Variants in TXLNB observed in about 807,000 individuals in gnomAD.
TXLNB encodes the protein beta-taxilin.
In TXLNB, 37 loss-of-function variants were observed where a neutral mutation model predicts 57.4. The observed-to-expected ratio is 0.64, with a 90% CI of 0.50 to 0.85. The LOEUF is 0.85. Among genes scored for constraint, TXLNB ranks in the 40% least tolerant of loss-of-function variants. TXLNB has a pLI of 0.00. For missense variants in TXLNB, 848 were observed against 825.6 expected, an observed-to-expected ratio of 1.03 and a Z score of -0.33; for synonymous variants, 302 against 309.6, an observed-to-expected ratio of 0.98 and a Z score of 0.26.
the TXLNB span, among the ~76,000 whole-genome samples, chr6:139,175,196 G>A: frequency 1.3e-5 from 2 of 152,164 alleles, no homozygotes; most frequent in African/African-American, 4.8e-5. Context: ...TAGAATCACA[G>A]GAGACAAAAT....
At chr6:139,196,463 G>A in the TXLNB span, among the ~76,000 whole-genome samples, 29 of 136,124 alleles carry the variant, frequency 2.1e-4, no homozygotes, top group African/African-American at 6.9e-4. Flanking sequence ...CAACCTCTGC[G>A]TCCCAGGTTC....
chr6:139,323,745 CATA>C, the TXLNB span, among the ~76,000 whole-genome samples: 2 of 152,218 alleles, frequency 1.3e-5, no homozygotes, highest in East Asian at 3.8e-4. Flanking sequence ...GCTGCTTACT[CATA>C]ATTTCTGTTT....
the TXLNB span, among the ~76,000 whole-genome samples, chr6:139,311,191 C>T: frequency 6.6e-6 from 1 of 152,198 alleles, no homozygotes; most frequent in Non-Finnish European, 1.5e-5. Context: ...TGTGTCACTG[C>T]AAATGCTGGT....
At chr6:139,316,344 T>C in the TXLNB span, among the ~76,000 whole-genome samples, 3 of 151,726 alleles carry the variant, frequency 2.0e-5, no homozygotes, top group African/African-American at 7.3e-5. Context: ...TCAGGTTTCT[T>C]ATCCCTCCCC....
the TXLNB span, chr6:139,166,860 C>T: frequency 6.2e-7 from 1 of 1,613,966 alleles, no homozygotes; most frequent in Middle Eastern, 1.6e-4. Context: ...CTCTCTCCTG[C>T]CCACTTCAGC....
At chr6:139,172,143 A>C in the TXLNB span, among the ~76,000 whole-genome samples, 1 of 151,910 alleles carries the variant, frequency 6.6e-6, no homozygotes, top group East Asian at 1.9e-4. Context: ...AAACTTTTTT[A>C]AGAGATGGGG....
At chr6:139,321,276 A>T in the TXLNB span, among the ~76,000 whole-genome samples, 1 of 152,114 alleles carries the variant, frequency 6.6e-6, no homozygotes, top group East Asian at 1.9e-4. Flanking sequence ...TGGGTCATGA[A>T]GGTAGAGCCT....
the TXLNB span, among the ~76,000 whole-genome samples, chr6:139,316,062 A>G: frequency 6.6e-6 from 1 of 152,230 alleles, no homozygotes; most frequent in Non-Finnish European, 1.5e-5. Context: ...AGGGAGAAAA[A>G]ATATTTGGTA....
intron 4 of TXLNB, 77 bp downstream of exon 4, chr6:139,270,378 AC>A: frequency 7.3e-7 from 1 of 1,376,046 alleles, no homozygotes; most frequent in Non-Finnish European, 9.9e-7. Context: ...TAAAATTCAC[AC>A]TCTTTCCATG....
chr6:139,232,785 A>G, the TXLNB span, among the ~76,000 whole-genome samples: 1 of 152,192 alleles, frequency 6.6e-6, no homozygotes, highest in South Asian at 2.1e-4. Context: ...CTTTCCTGTC[A>G]CTTCATAAAC....
At chr6:139,188,665 G>A in the TXLNB span, among the ~76,000 whole-genome samples, 1 of 152,184 alleles carries the variant, frequency 6.6e-6, no homozygotes, top group African/African-American at 2.4e-5. Context: ...ATTTATTAAT[G>A]CATATGTAGC....
In TXLNB at chr6:139,242,452, C is replaced by A; in HGVS notation, c.*74G>T. 7.6e-7 allele frequency: 1 copy of A among 1,316,178 alleles called. No individual in the cohort carries two copies. Among genetic ancestry groups the A allele is most frequent in the South Asian group, 2.1e-5 (1 of 48,418 alleles). 81.5% of individuals were successfully genotyped at this position (1,316,178 alleles called of 1,614,324 possible). On this transcript the variant is annotated 3_prime_UTR_variant, in exon 10 of 10. Coordinates refer to ENST00000358430, the MANE Select transcript of TXLNB (RefSeq NM_153235.4). ...CATTTGACATCTCTAGCCCTTAATG[C>A]CTTTTTCGGAAGACAAGCTGTTATG...
In TXLNB at chr6:139,257,477, G is replaced by T. The variant is rs75784813; in HGVS notation, c.1003-1839C>A. Among the ~76,000 whole-genome samples, 922 of 152,258 alleles carry T rather than the reference G, an allele frequency of 6.1e-3. 8 individuals carry two copies. The highest frequency in any genetic ancestry group is 0.021 in the African/African-American group (886 of 41,526). ...GTGCAATTGGAAAGAAAAGGTTTGT[G>T]CAAAGAGCTGATTCTTGGTAAGCTC... On this transcript the variant is annotated intron_variant, in intron 6 of 9. Transcript: ENST00000358430.
Position 139,242,624 on chromosome 6 carries a change from G to C in TXLNB, c.1957C>G (p.Gln653Glu), listed in dbSNP as rs771145304. The C allele has an allele frequency of 1.9e-6, 3 of 1,600,902 alleles. No individual in the cohort carries two copies. In the South Asian group the frequency reaches 3.3e-5, roughly 18 times the overall value. Residue 653 changes from glutamine (Q) to glutamate (E), a missense_variant, in exon 10 of 10, where the codon CAG becomes GAG. Coordinates refer to ENST00000358430, the MANE Select transcript of TXLNB (RefSeq NM_153235.4). Reference protein sequence around the residue: ...AMVPACEPSRQPPRAAAEELP... With the variant: ...AMVPACEPSREPPRAAAEELP... ...TCCTCTGCTGCTGCTCGTGGGGGCTGCCTACTGGGCTCGCATGCAGGCACC... is the reference window on the plus strand; with the variant it reads ...TCCTCTGCTGCTGCTCGTGGGGGCTCCCTACTGGGCTCGCATGCAGGCACC...
chr6:139,239,345 G>A (rs1255284761), downstream of TXLNB: 1 of 152,258 alleles, frequency 6.6e-6, no homozygotes, highest in Non-Finnish European at 1.5e-5. This position sits in a 1 kb window ranked among gnomAD's most constrained non-coding sequence, Gnocchi z 4.7. Context: ...TGGAAACGTG[G>A]TCTCGTGGGA....
chr6:139,289,330 C>T (rs552386148), intron 1 of TXLNB, among the ~76,000 whole-genome samples: 1 of 142,054 alleles, frequency 7.0e-6, no homozygotes, highest in East Asian at 2.0e-4. Flanking sequence ...CAGTCACGTA[C>T]CCCCTGCTTG....
chr6:139,222,355 A>G, the TXLNB span, among the ~76,000 whole-genome samples: 1 of 152,250 alleles, frequency 6.6e-6, no homozygotes, highest in Non-Finnish European at 1.5e-5. Flanking sequence ...TCATACTTAT[A>G]TCACACAAAG....
At position 139,255,611 on chromosome 6, in the gene TXLNB, G is replaced by A. The variant is rs1196058460; in HGVS notation, c.1030C>T (p.Leu344Phe). The A allele has an allele frequency of 1.2e-6, 2 of 1,613,926 alleles. No individual in the cohort carries two copies. Among genetic ancestry groups the A allele is most frequent in the South Asian group, 2.2e-5 (2 of 91,072 alleles). ...YLLNQAAEWK[L>F]QAKVLKEQET... ...TGCTCCTTCAGCACTTTCGCCTGAA[G>A]TTTCCACTCTGCTGCCTGGTTCAGC... The change falls in exon 7 of 10, where the codon CTT becomes TTT. Residue 344 changes from leucine to phenylalanine, a missense_variant. Coordinates refer to ENST00000358430, the MANE Select transcript of TXLNB (RefSeq NM_153235.4).
In TXLNB at chr6:139,288,856, G is replaced by A; in HGVS notation, c.44C>T (p.Ser15Leu). Residue 15 changes from serine (S) to leucine (L), a missense_variant, in exon 2 of 10, where the codon TCA (serine) becomes TTA (leucine). By Grantham distance (145) the Ser-to-Leu change is moderately radical (BLOSUM62 -2). Coordinates refer to ENST00000358430, the MANE Select transcript of TXLNB (RefSeq NM_153235.4). ...TGATGAACTGTCACCTGGAGGTGTT[G>A]ACTGTCGTTCCGCTGAGAGCTGTTC... Reference protein sequence around the residue: ...HSEQLSAERQSTPPGDSSSLP... With the variant: ...HSEQLSAERQLTPPGDSSSLP... 1 of 1,614,164 alleles carries A rather than the reference G, an allele frequency of 6.2e-7. No homozygotes were observed. Among genetic ancestry groups the A allele is most frequent in the Non-Finnish European group, 8.5e-7 (1 of 1,180,022 alleles).
Sources: allele counts gnomAD v4.1 joint callset (sites outside exome capture counted in the v4.1 genomes callset), GRCh38; gene constraint gnomAD v4.1.1; non-coding constraint Gnocchi (gnomAD v3.1); transcripts MANE v1.5; gene names NCBI Gene and HGNC (gene_info 2026-07-23, HGNC 2026-07-21).